LLGL2: variants seen among roughly 807,000 people sequenced by gnomAD.
The protein encoded by LLGL2 is LLGL scribble cell polarity complex component 2.
Under a neutral mutation model 123.2 loss-of-function variants are expected in LLGL2, and 81 were observed. The observed-to-expected ratio is 0.66, with a 90% CI of 0.55 to 0.79. The LOEUF (loss-of-function observed/expected upper bound fraction) is 0.79, where lower values mean the gene tolerates loss of function less well. LLGL2 is among the 30% of genes least tolerant of loss of function. The pLI is 0.00. For synonymous variants in LLGL2, 577 were observed against 594.1 expected, an observed-to-expected ratio of 0.97 and a Z score of 0.42; for missense variants, 1,273 against 1,414.6, an observed-to-expected ratio of 0.90 and a Z score of 1.61.
chr17:75,566,889 C>T (rs1393377012), intron 10 of LLGL2, among the ~76,000 whole-genome samples: 3 of 152,150 alleles, frequency 2.0e-5, no homozygotes, highest in Non-Finnish European at 4.4e-5. Flanking sequence ...GTCTGGAGTT[C>T]AGAGGAGAGA....
At chr17:75,551,135 C>T (rs753929368) in intron 2 of LLGL2, among the ~76,000 whole-genome samples, 54 of 152,178 alleles carry the variant, frequency 3.5e-4, no homozygotes, top group African/African-American at 1.1e-3. Context: ...CAGGTAGAGT[C>T]GCTGTGAAGG....
chr17:75,574,091 A>G, intron 22 of LLGL2, 111 bp downstream of exon 22: 1 of 1,547,636 alleles, frequency 6.5e-7, no homozygotes, highest in Non-Finnish European at 8.7e-7. Flanking sequence ...GGCTGGGAAT[A>G]GAGACGGCAT....
rs183804556 is a variant in LLGL2, at chr17:75,547,602, A to G, written c.75+4101A>G. Among the ~76,000 whole-genome samples, 601 of 152,244 alleles carry G rather than the reference A, an allele frequency of 3.9e-3. 4 individuals are homozygous for G. Among genetic ancestry groups the G allele is most frequent in the African/African-American group, 0.013 (554 of 41,530 alleles). Reference sequence around the variant, plus strand: ...CACTTTGGGAGGCTGAGGTGGGTGGATCACTTGAGGTCTGAAGTTAGAGAC... The same window carrying G: ...CACTTTGGGAGGCTGAGGTGGGTGGGTCACTTGAGGTCTGAAGTTAGAGAC... On this transcript the variant is annotated intron_variant, in intron 2 of 25. Transcript: ENST00000392550.
intron 6 of LLGL2, among the ~76,000 whole-genome samples, chr17:75,560,067 GC>G (rs2055132568): frequency 6.6e-6 from 1 of 152,160 alleles, no homozygotes; most frequent in Non-Finnish European, 1.5e-5. Context: ...AGGGTGCTGG[GC>G]CCCTGGCCCT....
At chr17:75,529,817 C>T (rs1180186226) in intron 1 of LLGL2, among the ~76,000 whole-genome samples, 3 of 151,752 alleles carry the variant, frequency 2.0e-5, no homozygotes, top group South Asian at 2.1e-4. Context: ...GCCGAGATCG[C>T]GCCACTGCAC....
chr17:75,547,882 G>A (rs2054497383), intron 2 of LLGL2, among the ~76,000 whole-genome samples: 1 of 152,146 alleles, frequency 6.6e-6, no homozygotes, highest in Admixed American at 6.5e-5. Flanking sequence ...GAAGGTGAGG[G>A]GAGGAAGTGT....
chr17:75,571,173 G>A (rs1478574635), intron 17 of LLGL2, 73 bp downstream of exon 17: 116 of 1,404,100 alleles, frequency 8.3e-5, no homozygotes, highest in South Asian at 3.3e-4. Context: ...GGGGCATGCC[G>A]GGGGCTGCTG....
chr17:75,572,664 C>CAAAAAA (rs71161230), intron 19 of LLGL2, among the ~76,000 whole-genome samples: 1 of 83,348 alleles, frequency 1.2e-5, no homozygotes, highest in Non-Finnish European at 2.3e-5. Flanking sequence ...GATTCCGTCT[C>CAAAAAA]AAAAAAAAAA....
intron 2 of LLGL2, chr17:75,546,433 C>T (rs1259504035): frequency 6.0e-6 from 1 of 167,576 alleles, no homozygotes; most frequent in Non-Finnish European, 1.3e-5. Flanking sequence ...GGTGTGAGGA[C>T]TACATGAGTT....
At position 75,570,394 on chromosome 17, in the gene LLGL2, T is replaced by C. The variant is rs1395277953; in HGVS notation, c.1921T>C (p.Ser641Pro). 2 of 1,610,958 alleles carry C rather than the reference T, an allele frequency of 1.2e-6. No homozygotes were observed. Among genetic ancestry groups the C allele is most frequent in the Non-Finnish European group, 1.7e-6 (2 of 1,179,162 alleles). Reference protein sequence around the residue: ...SDQLALEGPLSRVKSLKKSLR... With the variant: ...SDQLALEGPLPRVKSLKKSLR... ...CCAGCTGGCCTTGGAGGGCCCACTC[T>C]CCCGCGTCAAGTCCCTCAAGAAGTC... Residue 641 changes from serine to proline, a missense_variant, in exon 16 of 26, where the codon TCC becomes CCC. Physicochemically the swap from Ser to Pro is moderately conservative, Grantham distance 74. Transcript: ENST00000392550.
At chr17:75,574,518 T>C in intron 24 of LLGL2, 23 bp downstream of exon 24, 2 of 1,571,566 alleles carry the variant, frequency 1.3e-6, no homozygotes, top group Non-Finnish European at 1.7e-6. Flanking sequence ...CCAGGCCAGC[T>C]GGGGTGGGCC....
intron 1 of LLGL2, among the ~76,000 whole-genome samples, chr17:75,541,203 C>T (rs1282123469): frequency 3.9e-5 from 6 of 152,328 alleles, no homozygotes; most frequent in South Asian, 4.1e-4. Flanking sequence ...GTCTTTGGCA[C>T]GGATGGCCCT....
At chr17:75,563,637 C>A in intron 8 of LLGL2, 115 bp from the exon 9 acceptor site, 2 of 1,482,054 alleles carry the variant, frequency 1.3e-6, no homozygotes, top group Admixed American at 1.7e-5. Context: ...AGCAAGATTC[C>A]CAAGCACAGG....
At chr17:75,530,306 C>T (rs758506409) in intron 1 of LLGL2, among the ~76,000 whole-genome samples, 5 of 152,100 alleles carry the variant, frequency 3.3e-5, no homozygotes, top group South Asian at 2.1e-4. Flanking sequence ...AGTTCAAGAC[C>T]AGCCTGGGCA....
chr17:75,535,241 A>G (rs944174548), intron 1 of LLGL2, among the ~76,000 whole-genome samples: 1 of 152,264 alleles, frequency 6.6e-6, no homozygotes, highest in Admixed American at 6.5e-5. Context: ...ACAGGAGGCC[A>G]CAGCCACACT....
At chr17:75,550,563 T>G (rs1313488321) in intron 2 of LLGL2, among the ~76,000 whole-genome samples, 2 of 151,962 alleles carry the variant, frequency 1.3e-5, no homozygotes, top group Non-Finnish European at 2.9e-5. Flanking sequence ...GGCAGGTGGA[T>G]CACTTGAGTC....
intron 1 of LLGL2, 152 bp from the exon 2 acceptor site, chr17:75,543,245 G>A: frequency 2.2e-6 from 1 of 465,020 alleles, no homozygotes. Flanking sequence ...GGGGAAGCCA[G>A]GGTGCATGGG....
At position 75,570,069 on chromosome 17, in the gene LLGL2, G is replaced by A. The variant is rs766268182; in HGVS notation, c.1688G>A (p.Arg563His). Residue 563 changes from arginine to histidine, a missense_variant, in exon 15 of 26, where the codon CGC (arginine) becomes CAC (histidine). Physicochemically the swap from Arg to His is conservative, Grantham distance 29. Coordinates refer to ENST00000392550, the MANE Select transcript of LLGL2 (RefSeq NM_001031803.2). Reference protein sequence around the residue: ...QEGYRWKGHERLAARSGPVRF... With the variant: ...QEGYRWKGHEHLAARSGPVRF... Reference sequence around the variant, plus strand: ...GGCTACCGCTGGAAGGGGCACGAGCGCCTGGCAGCCCGCTCAGGGCCCGTG... The same window carrying A: ...GGCTACCGCTGGAAGGGGCACGAGCACCTGGCAGCCCGCTCAGGGCCCGTG... 5.0e-6 allele frequency: 8 copies of A among 1,612,202 alleles called. No homozygotes were observed. Among genetic ancestry groups the A allele is most frequent in the African/African-American group, 2.7e-5 (2 of 74,928 alleles).
chr17:75,568,000 G>T, intron 10 of LLGL2: 8 of 859,092 alleles, frequency 9.3e-6, no homozygotes, highest in South Asian at 5.3e-5. Context: ...CACATTTATT[G>T]AGCACTAGCT....
Sources: allele counts gnomAD v4.1 joint callset (sites outside exome capture counted in the v4.1 genomes callset), GRCh38; gene constraint gnomAD v4.1.1; transcripts MANE v1.5; gene names NCBI Gene and HGNC (gene_info 2026-07-23, HGNC 2026-07-21).